Variants in LIPG observed in about 807,000 individuals in gnomAD.
The protein encoded by LIPG is endothelial lipase.
In LIPG, 34 loss-of-function variants were observed where a neutral mutation model predicts 51.8. That is an observed-to-expected ratio of 0.66 (90% CI 0.50 to 0.87). The LOEUF is 0.87. Ranked by LOEUF, LIPG falls within the 40% of genes least tolerant of loss-of-function variation. The pLI, the probability that LIPG is intolerant of heterozygous loss-of-function variation, is 0.00. For synonymous variants in LIPG, 246 were observed against 246.1 expected (o/e 1.00, Z 0.00); for missense variants, 580 against 652.7 (o/e 0.89, Z 1.21).
intron 2 of LIPG, among the ~76,000 whole-genome samples, chr18:49,566,849 T>G (rs1025419554): frequency 6.6e-6 from 1 of 152,160 alleles, no homozygotes; most frequent in Non-Finnish European, 1.5e-5. Context: ...GTATCACCCT[T>G]AACACGTATC....
At position 49,576,457 on chromosome 18, in the gene LIPG, C is replaced by CTTTTTTTTTTTTTTTTTTTTTTTT. The variant is rs34597464; in HGVS notation, c.793+871_793+894dup. On this transcript the variant is annotated intron_variant, in intron 5 of 9. Coordinates refer to ENST00000261292, the MANE Select transcript of LIPG (RefSeq NM_006033.4). ...TCTTTTTTTAAAAGACAGAATCTTG[C>CTTTTTTTTTTTTTTTTTTTTTTTT]TTTTTTTTTTTTTTTTTTTTTTTTT... is the stretch of plus-strand genomic sequence containing the variant. Among the ~76,000 whole-genome samples the CTTTTTTTTTTTTTTTTTTTTTTTT allele has an allele frequency of 1.2e-4, 6 of 51,526 alleles. 2 individuals carry two copies. The highest frequency in any genetic ancestry group is 2.1e-4 in the Non-Finnish European group (6 of 28,676). 33.8% of individuals were successfully genotyped at this position (51,526 alleles called of 152,430 possible).
intron 7 of LIPG, 57 bp downstream of exon 7, chr18:49,582,539 TGA>T: frequency 1.2e-6 from 2 of 1,609,684 alleles, no homozygotes; most frequent in Non-Finnish European, 1.7e-6. Flanking sequence ...GGTTTGAGAA[TGA>T]GAGAGCACAA....
chr18:49,575,085 G>T (rs767859773), intron 4 of LIPG, among the ~76,000 whole-genome samples: 3 of 152,212 alleles, frequency 2.0e-5, no homozygotes, highest in Non-Finnish European at 4.4e-5. Context: ...AGCGAAACTT[G>T]TGGCTAGTTG....
At chr18:49,566,204 T>TG (rs909665054) in intron 2 of LIPG, among the ~76,000 whole-genome samples, 20 of 152,194 alleles carry the variant, frequency 1.3e-4, no homozygotes, top group Admixed American at 4.6e-4. Flanking sequence ...TACATGCTTT[T>TG]GGGGTCTTTA....
Position 49,593,626 on chromosome 18 carries a change from A to G in LIPG, c.*3104A>G, listed in dbSNP as rs1477639665. ...CAGGCCAAGAGGGCTGCAGGTTCTT[A>G]GTTTTTCACTGTGCCATTCATGGGG... On this transcript the variant is annotated 3_prime_UTR_variant, in exon 10 of 10. Coordinates refer to ENST00000261292, the MANE Select transcript of LIPG (RefSeq NM_006033.4). 6.6e-6 allele frequency: 1 copy of G among 152,206 alleles called. No homozygotes were observed. The highest frequency in any genetic ancestry group is 6.5e-5 in the Admixed American group (1 of 15,284). 9.4% of individuals were successfully genotyped at this position (152,206 alleles called of 1,614,324 possible). A position where few individuals can be genotyped will look rare whatever the true frequency, so the allele number is the denominator to read the frequency against.
intron 5 of LIPG, among the ~76,000 whole-genome samples, chr18:49,579,764 C>CTTTCCTTTCCTTTCTTT (rs1194564576): frequency 8.9e-6 from 1 of 112,204 alleles, no homozygotes; most frequent in Non-Finnish European, 1.7e-5. Flanking sequence ...CTTTCCTTTC[C>CTTTCCTTTCCTTTCTTT]TTTCTTTTCT....
chr18:49,580,676 C>A (rs1043923930), intron 5 of LIPG, among the ~76,000 whole-genome samples: 9 of 151,986 alleles, frequency 5.9e-5, no homozygotes, highest in African/African-American at 7.3e-5. Flanking sequence ...AAAGAGGTAG[C>A]AAACCTGCAA....
At chr18:49,580,693 T>G (rs2084810057) in intron 5 of LIPG, among the ~76,000 whole-genome samples, 1 of 152,068 alleles carries the variant, frequency 6.6e-6, no homozygotes, top group Admixed American at 6.5e-5. Flanking sequence ...GCAAGCCATA[T>G]TTTGCTGAGC....
chr18:49,584,235 T>C (rs1045590315), intron 8 of LIPG, among the ~76,000 whole-genome samples: 15 of 152,304 alleles, frequency 9.8e-5, no homozygotes, highest in African/African-American at 3.6e-4. Context: ...CCCCAGCATC[T>C]GATTTTCAGA....
In LIPG at chr18:49,594,127, T is replaced by C. The variant is rs2084967602; in HGVS notation, c.*3605T>C. 6.7e-6 allele frequency: 1 copy of C among 148,226 alleles called. No homozygotes were observed. The highest frequency in any genetic ancestry group is 2.4e-5 in the African/African-American group (1 of 41,060). The allele number at this position is 148,226 out of a possible 1,614,324, so 9.2% of individuals were successfully genotyped here. ...CTGTAATCTTGTTTGTTTCGTTTGG[T>C]GTTTTTTGTTTTTTTGTTTTTTTTT... On this transcript the variant is annotated 3_prime_UTR_variant, in exon 10 of 10. Coordinates refer to ENST00000261292, the MANE Select transcript of LIPG (RefSeq NM_006033.4).
chr18:49,572,327 A>T (rs1034708328), intron 4 of LIPG, among the ~76,000 whole-genome samples: 1 of 90,192 alleles, frequency 1.1e-5, no homozygotes, highest in Admixed American at 1.1e-4. Flanking sequence ...TCTCAAAAAT[A>T]AAAAATAAAA....
At position 49,592,686 on chromosome 18, in the gene LIPG, A is replaced by G. The variant is rs919739508; in HGVS notation, c.*2164A>G. 6.6e-6 allele frequency: 1 copy of G among 152,162 alleles called. No individual in the cohort carries two copies. The highest frequency in any genetic ancestry group is 1.5e-5 in the Non-Finnish European group (1 of 68,050). The allele number at this position is 152,162 out of a possible 1,614,324, so 9.4% of individuals were successfully genotyped here. On this transcript the variant is annotated 3_prime_UTR_variant, in exon 10 of 10. Transcript: ENST00000261292. The stretch of plus-strand genomic sequence containing the variant: ...TCTGACTTCTGTTTTTACTAATGGA[A>G]GCTTTGCAAATTGAATTCTCAGTGA...
intron 4 of LIPG, among the ~76,000 whole-genome samples, chr18:49,574,932 C>T (rs968524283): frequency 6.6e-6 from 1 of 152,136 alleles, no homozygotes; most frequent in African/African-American, 2.4e-5. Context: ...CTTAGTTATT[C>T]TGTAAAAATT....
chr18:49,589,293 T>G (rs983056836), intron 9 of LIPG: 3 of 152,210 alleles, frequency 2.0e-5, no homozygotes, highest in Non-Finnish European at 4.4e-5. Flanking sequence ...GCCATCTAAT[T>G]AAGGGACTCA....
At chr18:49,579,220 G>A (rs536466437) in intron 5 of LIPG, among the ~76,000 whole-genome samples, 1 of 116,490 alleles carries the variant, frequency 8.6e-6, no homozygotes, top group African/African-American at 3.5e-5. Context: ...GAGGGAGAGG[G>A]AGAGGGAGAG....
chr18:49,568,809 T>A (rs1160074577), intron 3 of LIPG, among the ~76,000 whole-genome samples: 1 of 152,168 alleles, frequency 6.6e-6, no homozygotes, highest in African/African-American at 2.4e-5. Context: ...CTTGTTCCCA[T>A]GGAATGGGAT....
rs990489684 is a variant in LIPG at position 49,594,207 on chromosome 18, C to G, written c.*3685C>G. 7.2e-5 allele frequency: 11 copies of G among 152,066 alleles called. No homozygotes were observed. The highest frequency in any genetic ancestry group is 2.7e-4 in the African/African-American group (11 of 41,482). 9.4% of individuals were successfully genotyped at this position (152,066 alleles called of 1,614,324 possible). A position where few individuals can be genotyped will look rare whatever the true frequency, so the allele number is the denominator to read the frequency against. The stretch of plus-strand genomic sequence containing the variant: ...TGGAGTGCAGGGGCATGATCTTGGC[C>G]CACTGCAACCTCCGCCTCCTGGGTT... On this transcript the variant is annotated 3_prime_UTR_variant, in exon 10 of 10. Coordinates refer to ENST00000261292, the MANE Select transcript of LIPG (RefSeq NM_006033.4).
At chr18:49,575,830 T>A (rs1192925906) in intron 5 of LIPG, among the ~76,000 whole-genome samples, 6 of 151,340 alleles carry the variant, frequency 4.0e-5, no homozygotes, top group Non-Finnish European at 2.9e-5. Flanking sequence ...TCTTTTCTTT[T>A]CTTTTTCTTT....
chr18:49,568,439 G>C (rs926136321), intron 3 of LIPG, among the ~76,000 whole-genome samples: 1 of 152,038 alleles, frequency 6.6e-6, no homozygotes, highest in Middle Eastern at 3.4e-3. Context: ...GGAGTGCAGT[G>C]CCATGATCTT....
Sources: allele counts gnomAD v4.1 joint callset (sites outside exome capture counted in the v4.1 genomes callset), GRCh38; gene constraint gnomAD v4.1.1; transcripts MANE v1.5; gene names NCBI Gene and HGNC (gene_info 2026-07-23, HGNC 2026-07-21).